TMTC2: variants seen among roughly 807,000 people sequenced by gnomAD.
TMTC2 encodes the protein protein O-mannosyl-transferase TMTC2.
Under a neutral mutation model 82.4 loss-of-function variants are expected in TMTC2, and 43 were observed. The ratio of observed to expected loss-of-function variants is 0.52; its 90% CI spans 0.41 to 0.67. TMTC2 has a LOEUF of 0.67. Among genes scored for constraint, TMTC2 ranks in the 30% least tolerant of loss-of-function variants. The pLI is 0.00. For synonymous variants in TMTC2, 408 were observed against 381.9 expected (o/e 1.07, Z -0.80); for missense variants, 919 against 1,012.4 (o/e 0.91, Z 1.25).
At chr12:83,002,719 T>G (rs1879981295) in intron 8 of TMTC2, among the ~76,000 whole-genome samples, 1 of 152,140 alleles carries the variant, frequency 6.6e-6, no homozygotes, top group Non-Finnish European at 1.5e-5. Context: ...TTGAGTGACC[T>G]TCTTGGTATT....
rs1325016169 is a variant in TMTC2 at position 82,986,035 on chromosome 12, C to T, written c.2059C>T (p.Leu687=). ...IPAHLTYGKL[L]ALTGRKSEAE... Reference sequence around the variant, plus strand: ...TGCTCATCTCACCTATGGGAAGCTGCTAGCTCTAACAGTGAGTAACCGCCT... The same window carrying T: ...TGCTCATCTCACCTATGGGAAGCTGTTAGCTCTAACAGTGAGTAACCGCCT... Residue 687 remains leucine, a synonymous_variant, in exon 8 of 12, where the codon CTA becomes TTA. Coordinates refer to ENST00000321196, the MANE Select transcript of TMTC2 (RefSeq NM_152588.3). 6.2e-7 allele frequency: 1 copy of T among 1,613,860 alleles called. No homozygotes were observed. The highest frequency in any genetic ancestry group is 8.5e-7 in the Non-Finnish European group (1 of 1,179,910).
intron 1 of TMTC2, among the ~76,000 whole-genome samples, chr12:82,718,311 T>A (rs949688267): frequency 6.6e-6 from 1 of 152,210 alleles, no homozygotes; most frequent in Non-Finnish European, 1.5e-5. Context: ...TTGTGGAAGT[T>A]GCAAAACTAA....
chr12:82,690,207 A>G, intron 1 of TMTC2: 1 of 203,562 alleles, frequency 4.9e-6, no homozygotes, highest in Non-Finnish European at 8.7e-6. Flanking sequence ...TGTAAACTGT[A>G]GGATGATGAT....
intron 11 of TMTC2, among the ~76,000 whole-genome samples, chr12:83,131,985 C>T (rs11115608): frequency 0.013 from 1,951 of 152,218 alleles, 42 homozygotes; most frequent in African/African-American, 0.045. Context: ...AATACTATTT[C>T]TCTAGAAGCC....
intron 3 of TMTC2, among the ~76,000 whole-genome samples, chr12:82,917,421 C>G (rs1875062335): frequency 6.6e-6 from 1 of 151,998 alleles, no homozygotes. Flanking sequence ...GACTTTGGAA[C>G]CAGACAGACA....
chr12:82,946,206 TAATGTAAAC>T (rs1014095853), intron 4 of TMTC2, among the ~76,000 whole-genome samples: 59 of 152,342 alleles, frequency 3.9e-4, no homozygotes, highest in African/African-American at 1.4e-3. Context: ...ATATTAAAAT[TAATGTAAAC>T]CTAGTTTACT....
At chr12:83,068,858 C>G (rs905815870) in intron 11 of TMTC2, among the ~76,000 whole-genome samples, 4 of 152,008 alleles carry the variant, frequency 2.6e-5, no homozygotes, top group African/African-American at 4.8e-5. Flanking sequence ...CCCTCGCCCC[C>G]CTCCCACTCT....
At chr12:83,055,376 A>C (rs752869760) in intron 10 of TMTC2, among the ~76,000 whole-genome samples, 1 of 152,034 alleles carries the variant, frequency 6.6e-6, no homozygotes, top group Non-Finnish European at 1.5e-5. Context: ...TTGACAATAC[A>C]TGGTGACATT....
intron 1 of TMTC2, among the ~76,000 whole-genome samples, chr12:82,801,357 C>T (rs765334103): frequency 2.6e-5 from 4 of 151,996 alleles, no homozygotes; most frequent in Non-Finnish European, 5.9e-5. Flanking sequence ...CAGTGTGGAC[C>T]CAAAGAGTGA....
chr12:82,947,913 T>C (rs1682611), intron 4 of TMTC2, among the ~76,000 whole-genome samples: 81 of 152,300 alleles, frequency 5.3e-4, no homozygotes, highest in Middle Eastern at 3.4e-3. Context: ...TTCTCCATTC[T>C]TCAGCCTTGT....
chr12:82,735,667 G>A (rs1875078396), intron 1 of TMTC2, among the ~76,000 whole-genome samples: 1 of 142,620 alleles, frequency 7.0e-6, no homozygotes, highest in African/African-American at 2.5e-5. Flanking sequence ...ATTTTTTAAA[G>A]ATGTATTCAT....
intron 10 of TMTC2, among the ~76,000 whole-genome samples, chr12:83,056,986 C>T (rs917683841): frequency 1.1e-4 from 16 of 151,864 alleles, no homozygotes; most frequent in African/African-American, 3.6e-4. Flanking sequence ...AAGCTTAGAA[C>T]GTTGATTCTT....
At chr12:82,892,676 T>A (rs1202235665) in intron 2 of TMTC2, among the ~76,000 whole-genome samples, 2 of 152,182 alleles carry the variant, frequency 1.3e-5, no homozygotes, top group Non-Finnish European at 2.9e-5. Flanking sequence ...ATTACAGCTG[T>A]TTTTGTAATG....
intron 8 of TMTC2, among the ~76,000 whole-genome samples, chr12:83,015,114 A>T (rs2137393461): frequency 6.6e-6 from 1 of 152,334 alleles, no homozygotes; most frequent in African/African-American, 2.4e-5. Flanking sequence ...TGCTTGTTTT[A>T]AAATAGAAAT....
At chr12:82,696,077 G>C (rs546187108) in intron 1 of TMTC2, among the ~76,000 whole-genome samples, 18 of 152,242 alleles carry the variant, frequency 1.2e-4, no homozygotes, top group Admixed American at 1.0e-3. Flanking sequence ...CTATACAACT[G>C]TTCTCCCAAA....
chr12:82,795,312 A>C (rs1001529101), intron 1 of TMTC2, among the ~76,000 whole-genome samples: 1 of 52,122 alleles, frequency 1.9e-5, no homozygotes, highest in African/African-American at 6.2e-5. Context: ...ATTCCATCTC[A>C]AAAAAAAAAA....
chr12:82,836,292 A>G (rs1870036828), intron 1 of TMTC2, among the ~76,000 whole-genome samples: 1 of 151,806 alleles, frequency 6.6e-6, no homozygotes, highest in African/African-American at 2.4e-5. Flanking sequence ...GCTAACTTAC[A>G]TGACAAAAGC....
chr12:82,687,580 T>C lies in TMTC2; in HGVS notation c.-7T>C. ...GGGAGCCGAGCCGGAGGGAAGGCGGTGGAGAGATGATTGCAGAGTTGGTGA... is the reference window on the plus strand; with the variant it reads ...GGGAGCCGAGCCGGAGGGAAGGCGGCGGAGAGATGATTGCAGAGTTGGTGA... On this transcript the variant is annotated 5_prime_UTR_variant, in exon 1 of 12. Coordinates refer to ENST00000321196, the MANE Select transcript of TMTC2 (RefSeq NM_152588.3). 3 of 1,593,368 alleles carry C rather than the reference T, an allele frequency of 1.9e-6. No individual in the cohort carries two copies. Among genetic ancestry groups the C allele is most frequent in the Non-Finnish European group, 2.6e-6 (3 of 1,171,802 alleles).
At chr12:82,835,860 A>T (rs1396088932) in intron 1 of TMTC2, among the ~76,000 whole-genome samples, 1 of 152,150 alleles carries the variant, frequency 6.6e-6, no homozygotes, top group Non-Finnish European at 1.5e-5. Flanking sequence ...AAACCTCCGC[A>T]TGGTCCAGCT....
Sources: gnomAD v4.1 joint callset for allele counts (sites outside exome capture counted in the v4.1 genomes callset) on GRCh38, gnomAD v4.1.1 for gene constraint, MANE v1.5 for transcripts, NCBI Gene and HGNC (gene_info 2026-07-23, HGNC 2026-07-21) for gene names.